The following SLC6A20 variants were observed in gnomAD, a reference collection of about 807,000 sequenced individuals.
SLC6A20 encodes sodium- and chloride-dependent transporter XTRP3.
A neutral mutation model predicts 64.3 loss-of-function variants in SLC6A20; 73 were observed. That is an observed-to-expected ratio of 1.14 (90% CI 0.94 to 1.38). The LOEUF (loss-of-function observed/expected upper bound fraction) is 1.38. Ranked by LOEUF, SLC6A20 falls within the 40% of genes most tolerant of loss-of-function variation. SLC6A20 has a pLI of 0.00. For synonymous variants in SLC6A20, 347 were observed against 329.6 expected (o/e 1.05, Z -0.57); for missense variants, 725 against 772.8 (o/e 0.94, Z 0.73).
intron 8 of SLC6A20, 132 bp from the exon 9 acceptor site, chr3:45,763,204 G>C: frequency 1.5e-6 from 2 of 1,343,702 alleles, no homozygotes; most frequent in Non-Finnish European, 2.0e-6. Flanking sequence ...TGGGTTGAAA[G>C]AGCTGTCATG....
chr3:45,776,637 G>A (rs768007786), intron 3 of SLC6A20, among the ~76,000 whole-genome samples: 7 of 152,184 alleles, frequency 4.6e-5, no homozygotes, highest in Non-Finnish European at 1.0e-4. Context: ...TCTCCTGCTA[G>A]CTTCCAAACC....
At chr3:45,787,541 G>C (rs1399396951) in intron 1 of SLC6A20, among the ~76,000 whole-genome samples, 2 of 152,212 alleles carry the variant, frequency 1.3e-5, no homozygotes, top group Non-Finnish European at 2.9e-5. Flanking sequence ...ACTGGGCAGA[G>C]AGCCAGAGTC....
chr3:45,779,901 C>A (rs1251033754), intron 3 of SLC6A20, 108 bp downstream of exon 3: 2 of 1,220,844 alleles, frequency 1.6e-6, no homozygotes, highest in Admixed American at 2.1e-5. Flanking sequence ...GGCTCCCCGC[C>A]CCGAGGCTGC....
chr3:45,759,287 A>G (rs1699618982), intron 10 of SLC6A20, among the ~76,000 whole-genome samples, 160 bp from the exon 11 acceptor site: 1 of 152,212 alleles, frequency 6.6e-6, no homozygotes. Context: ...TCACTAGCAA[A>G]TGTGCCAGGA....
rs764834994 is a variant in SLC6A20, at chr3:45,772,479, T to C, written c.693+26A>G. On this transcript the variant is annotated intron_variant, in intron 5 of 10. Transcript: ENST00000358525. ...TGGCAGGATAAGTGAGGGGTGCCCG[T>C]AGGGCCCTTCCGCTTCAGCCCGTAC... 8 of 1,597,212 alleles carry C rather than the reference T, an allele frequency of 5.0e-6. No homozygotes were observed. The South Asian group carries it at 9.0e-5, about 18-fold the overall frequency.
At chr3:45,761,557 G>C (rs1194694031) in intron 9 of SLC6A20, among the ~76,000 whole-genome samples, 1 of 152,030 alleles carries the variant, frequency 6.6e-6, no homozygotes, top group Non-Finnish European at 1.5e-5. Context: ...TCTCCCTCTA[G>C]ACTGGCATTT....
chr3:45,771,248 C>A lies in SLC6A20; in HGVS notation c.904G>T (p.Ala302Ser). 1.2e-6 allele frequency: 2 copies of A among 1,614,208 alleles called. No homozygotes were observed. Among genetic ancestry groups the A allele is most frequent in the South Asian group, 1.1e-5 (1 of 91,074 alleles). Reference protein sequence around the residue: ...IVTFSIYGFKATFNYENCLKK... With the variant: ...IVTFSIYGFKSTFNYENCLKK... ...AAGCAGTTTTCATAATTGAAGGTGG[C>A]CTTGAAGCCATAGATGGAGAAGGTG... The change falls in exon 6 of 11, where the codon GCC becomes TCC. Residue 302 changes from alanine (A) to serine (S), a missense_variant. Ala to Ser is a moderately conservative substitution (Grantham distance 99). Transcript: ENST00000358525.
chr3:45,763,051 C>T lies in SLC6A20; in HGVS notation c.1325G>A (p.Cys442Tyr). ...CATCGTGAACACCATGCCAATGGCA[C>T]AGTTGACAAGGCACACCAGACCTGG... ...AISGLVCLVNCAIGMVFTMEA... is the reference protein window; with the variant it reads ...AISGLVCLVNYAIGMVFTMEA... Residue 442 changes from cysteine to tyrosine, a missense_variant, in exon 9 of 11, where the codon TGT becomes TAT. Coordinates refer to ENST00000358525, the MANE Select transcript of SLC6A20 (RefSeq NM_020208.4). 1 of 1,614,136 alleles carries T rather than the reference C, an allele frequency of 6.2e-7. No individual in the cohort carries two copies. The highest frequency in any genetic ancestry group is 8.5e-7 in the Non-Finnish European group (1 of 1,180,038).
intron 1 of SLC6A20, among the ~76,000 whole-genome samples, chr3:45,787,104 G>T (rs1700182617): frequency 6.6e-6 from 1 of 152,068 alleles, no homozygotes; most frequent in Non-Finnish European, 1.5e-5. Context: ...TTCTCACCTG[G>T]TCAAATCTTC....
At chr3:45,767,458 AAGAG>A (rs1192917799) in intron 7 of SLC6A20, among the ~76,000 whole-genome samples, 6 of 152,206 alleles carry the variant, frequency 3.9e-5, no homozygotes, top group African/African-American at 7.2e-5. Flanking sequence ...TGCAGCTGAA[AAGAG>A]AGTTAGTGAA....
In SLC6A20 at chr3:45,796,327, G is replaced by A. The variant is rs1327446726; in HGVS notation, c.93C>T (p.Phe31=). 3.7e-6 allele frequency: 6 copies of A among 1,612,216 alleles called. No homozygotes were observed. The African/African-American group carries it at 8.0e-5, about 22-fold the overall frequency. ...YAVGLGNVWR[F]PYLCQMYGGG... The stretch of plus-strand genomic sequence containing the variant: ...CGCCGTACATCTGGCACAGGTACGG[G>A]AATCGCCACACGTTGCCCAGGCCCA... Residue 31 remains phenylalanine, a synonymous_variant, in exon 1 of 11, where the codon TTC becomes TTT. Coordinates refer to ENST00000358525, the MANE Select transcript of SLC6A20 (RefSeq NM_020208.4).
At chr3:45,773,396 G>T (rs1467770799) in intron 4 of SLC6A20, among the ~76,000 whole-genome samples, 1 of 152,186 alleles carries the variant, frequency 6.6e-6, no homozygotes, top group East Asian at 1.9e-4. Flanking sequence ...TGCATCGTAA[G>T]TTCAATGATG....
Position 45,770,380 on chromosome 3 carries a change from C to T in SLC6A20, c.936-9G>A. The T allele has an allele frequency of 6.2e-7, 1 of 1,613,510 alleles. No individual in the cohort carries two copies. Among genetic ancestry groups the T allele is most frequent in the Non-Finnish European group, 8.5e-7 (1 of 1,179,962 alleles). On this transcript the variant is annotated splice_polypyrimidine_tract_variant and intron_variant, in intron 6 of 10. Transcript: ENST00000358525. ...TCAGCAGCAGACTCACCCTGCAGAG[C>T]AGACCATCGGATCGACCTTCACTGA...
In SLC6A20 at chr3:45,796,217, A is replaced by G; in HGVS notation, c.121+82T>C. 12 of 1,528,024 alleles carry G rather than the reference A, an allele frequency of 7.9e-6. No homozygotes were observed. In the South Asian group the frequency reaches 8.5e-5, roughly 11 times the overall value. The allele number at this position is 1,528,024 out of a possible 1,614,324, so 94.7% of individuals were successfully genotyped here. A position where few individuals can be genotyped will look rare whatever the true frequency, so the allele number is the denominator to read the frequency against. ...TCCCGGCCTCAGTGTGCCGTTCTGTAACTTGGGTCTAACCCCGGCTCGCAC... is the reference window on the plus strand; with the variant it reads ...TCCCGGCCTCAGTGTGCCGTTCTGTGACTTGGGTCTAACCCCGGCTCGCAC... On this transcript the variant is annotated intron_variant, in intron 1 of 10. Coordinates refer to ENST00000358525, the MANE Select transcript of SLC6A20 (RefSeq NM_020208.4).
rs533351778 is a variant in SLC6A20 at position 45,759,386 on chromosome 3, C to A, written c.1630-259G>T. Among the ~76,000 whole-genome samples the A allele has an allele frequency of 4.6e-5, 7 of 152,100 alleles. 1 individual carries two copies. Among genetic ancestry groups the A allele is most frequent in the Admixed American group, 3.9e-4 (6 of 15,290 alleles). ...GTGGGTGTAGAGCTATTGTTTGGAG[C>A]TACCCATAATGAATAACCATGGTAA... is the stretch of plus-strand genomic sequence containing the variant. On this transcript the variant is annotated intron_variant, in intron 10 of 10. Transcript: ENST00000358525.
rs1428966687 is a variant in SLC6A20, at chr3:45,771,401, A to G, written c.751T>C (p.Ser251Pro). ...AGGCTGCCGAAGCCCAGGCCAAGTGAGAAGAAGATCTGGGTGGCTGCATTG... is the reference window on the plus strand; with the variant it reads ...AGGCTGCCGAAGCCCAGGCCAAGTGGGAAGAAGATCTGGGTGGCTGCATTG... Reference protein sequence around the residue: ...WINAATQIFFSLGLGFGSLIA... With the variant: ...WINAATQIFFPLGLGFGSLIA... The change falls in exon 6 of 11, where the codon TCA (serine) becomes CCA (proline). Residue 251 changes from serine (S) to proline (P), a missense_variant. By Grantham distance (74) the Ser-to-Pro change is moderately conservative. Coordinates refer to ENST00000358525, the MANE Select transcript of SLC6A20 (RefSeq NM_020208.4). The G allele has an allele frequency of 6.2e-7, 1 of 1,614,170 alleles. No individual in the cohort carries two copies. Among genetic ancestry groups the G allele is most frequent in the East Asian group, 2.2e-5 (1 of 44,886 alleles).
chr3:45,777,335 G>A (rs1467971141), intron 3 of SLC6A20, among the ~76,000 whole-genome samples: 4 of 151,998 alleles, frequency 2.6e-5, no homozygotes, highest in Non-Finnish European at 5.9e-5. Flanking sequence ...ACCTCCCCAG[G>A]CCACCCTAGC....
chr3:45,774,508 G>A (rs1394313808), intron 4 of SLC6A20, among the ~76,000 whole-genome samples: 1 of 152,176 alleles, frequency 6.6e-6, no homozygotes, highest in African/African-American at 2.4e-5. Flanking sequence ...GTGCTCACTC[G>A]TCCCTTTCCT....
Position 45,757,273 on chromosome 3 carries a change from T to TC in SLC6A20, c.*1704dup, listed in dbSNP as rs1699562351. The TC allele has an allele frequency of 1.3e-5, 2 of 151,378 alleles. No individual in the cohort carries two copies. Among genetic ancestry groups the TC allele is most frequent in the South Asian group, 4.2e-4 (2 of 4,768 alleles). The allele number at this position is 151,378 out of a possible 1,614,324, so 9.4% of individuals were successfully genotyped here. A position where few individuals can be genotyped will look rare whatever the true frequency, so the allele number is the denominator to read the frequency against. The stretch of plus-strand genomic sequence containing the variant: ...TATCTCAACTGCAAAGAGGCCTCCC[T>TC]CCTTCACTATTCCTCCTCAGCACCG... On this transcript the variant is annotated 3_prime_UTR_variant, in exon 11 of 11. Transcript: ENST00000358525.
Sources: allele counts gnomAD v4.1 joint callset (sites outside exome capture counted in the v4.1 genomes callset), GRCh38; gene constraint gnomAD v4.1.1; transcripts MANE v1.5; gene names NCBI Gene and HGNC (gene_info 2026-07-23, HGNC 2026-07-21).